PLCL1: variants seen among roughly 807,000 people sequenced by gnomAD.
The protein encoded by PLCL1 is inactive phospholipase C-like protein 1.
A neutral mutation model predicts 84.4 loss-of-function variants in PLCL1; 41 were observed. That is an observed-to-expected ratio of 0.49 (90% CI 0.38 to 0.63). PLCL1 has a LOEUF of 0.63. PLCL1 is among the 30% of genes least tolerant of loss of function. PLCL1 has a pLI of 0.00. For synonymous variants in PLCL1, 490 were observed against 488.3 expected (o/e 1.00, Z -0.05); for missense variants, 1,206 against 1,367.8 (o/e 0.88, Z 1.87).
intron 5 of PLCL1, among the ~76,000 whole-genome samples, chr2:198,116,717 T>C (rs1292894293): frequency 6.6e-6 from 1 of 151,850 alleles, no homozygotes; most frequent in African/African-American, 2.4e-5. Flanking sequence ...TTGCATAATA[T>C]TATGGAAAGG....
At chr2:198,128,987 A>C (rs1694056611) in intron 5 of PLCL1, among the ~76,000 whole-genome samples, 1 of 152,218 alleles carries the variant, frequency 6.6e-6, no homozygotes, top group Non-Finnish European at 1.5e-5. Context: ...CCTTAAAATT[A>C]AAACAGAGAT....
intron 1 of PLCL1, among the ~76,000 whole-genome samples, chr2:197,817,899 A>T (rs1690723397): frequency 6.6e-6 from 1 of 151,800 alleles, no homozygotes; most frequent in African/African-American, 2.4e-5. Flanking sequence ...TTTAATTTTG[A>T]TGGTCTTTGG....
intron 1 of PLCL1, among the ~76,000 whole-genome samples, chr2:198,073,637 AC>A (rs1172214333): frequency 6.6e-6 from 1 of 152,224 alleles, no homozygotes; most frequent in African/African-American, 2.4e-5. Context: ...AAGATAATTG[AC>A]ATTGTATTTT....
chr2:197,966,685 T>C (rs1689744591), intron 1 of PLCL1, among the ~76,000 whole-genome samples: 2 of 152,120 alleles, frequency 1.3e-5, no homozygotes, highest in South Asian at 4.1e-4. Context: ...CTTTCACCAA[T>C]ATGAAGTTAA....
chr2:197,920,056 A>G (rs956397687), intron 1 of PLCL1, among the ~76,000 whole-genome samples: 2 of 152,140 alleles, frequency 1.3e-5, no homozygotes, highest in African/African-American at 4.8e-5. Flanking sequence ...AAGATCATAT[A>G]TATTGTCTTC....
intron 1 of PLCL1, among the ~76,000 whole-genome samples, chr2:198,057,895 G>C (rs1692106264): frequency 6.6e-6 from 1 of 152,190 alleles, no homozygotes; most frequent in African/African-American, 2.4e-5. Flanking sequence ...GTTAGACTTA[G>C]AAGATTATTC....
chr2:197,939,800 G>A (rs745756583), intron 1 of PLCL1, among the ~76,000 whole-genome samples: 3 of 146,378 alleles, frequency 2.0e-5, no homozygotes, highest in Non-Finnish European at 4.5e-5. Flanking sequence ...GTTTTTAATC[G>A]GCCACTGTCT....
intron 1 of PLCL1, among the ~76,000 whole-genome samples, chr2:198,039,239 T>G (rs1334842266): frequency 6.6e-6 from 1 of 152,116 alleles, no homozygotes; most frequent in African/African-American, 2.4e-5. Flanking sequence ...TGCAATATAG[T>G]TTTTCTAGAT....
intron 1 of PLCL1, among the ~76,000 whole-genome samples, chr2:197,838,427 A>T (rs559277041): frequency 6.6e-6 from 1 of 152,340 alleles, no homozygotes; most frequent in African/African-American, 2.4e-5. Context: ...AAAAATTTAG[A>T]CAGCTATGAT....
At chr2:198,127,863 A>C (rs1694025762) in intron 5 of PLCL1, among the ~76,000 whole-genome samples, 1 of 152,122 alleles carries the variant, frequency 6.6e-6, no homozygotes, top group Non-Finnish European at 1.5e-5. Context: ...AGTGTGAAAA[A>C]TCTTCATTTT....
chr2:197,876,199 G>A (rs1251597123), intron 1 of PLCL1, among the ~76,000 whole-genome samples: 1 of 152,172 alleles, frequency 6.6e-6, no homozygotes, highest in Non-Finnish European at 1.5e-5. Context: ...GCCTCTGCAG[G>A]AGATGGAGCT....
intron 1 of PLCL1, among the ~76,000 whole-genome samples, chr2:197,865,691 G>A (rs1209482956): frequency 6.6e-6 from 1 of 151,940 alleles, no homozygotes; most frequent in African/African-American, 2.4e-5. Context: ...AAGCTCACGC[G>A]TCAAATGATG....
chr2:197,944,710 A>G (rs553634298), intron 1 of PLCL1, among the ~76,000 whole-genome samples: 26 of 152,294 alleles, frequency 1.7e-4, no homozygotes, highest in African/African-American at 3.6e-4. Context: ...AAGTCTAAAT[A>G]CCCATTCATT....
At chr2:197,875,448 A>G (rs1321554301) in intron 1 of PLCL1, among the ~76,000 whole-genome samples, 1 of 152,122 alleles carries the variant, frequency 6.6e-6, no homozygotes. Context: ...AAAGGCAGGA[A>G]GGAACATCTA....
chr2:198,054,674 G>A (rs988993276), intron 1 of PLCL1, among the ~76,000 whole-genome samples: 3 of 152,196 alleles, frequency 2.0e-5, no homozygotes, highest in Non-Finnish European at 4.4e-5. Context: ...AGTGCTGTGG[G>A]AGGAGATAAA....
chr2:197,995,525 G>T (rs79070145), intron 1 of PLCL1, among the ~76,000 whole-genome samples: 1,864 of 152,196 alleles, frequency 0.012, 47 homozygotes, highest in African/African-American at 0.042. Flanking sequence ...GCCTAATGGG[G>T]TGACCCAAGG....
At chr2:197,991,731 A>G (rs1690349868) in intron 1 of PLCL1, among the ~76,000 whole-genome samples, 1 of 152,124 alleles carries the variant, frequency 6.6e-6, no homozygotes, top group Non-Finnish European at 1.5e-5. Context: ...ACGAGCCCTC[A>G]TTAGTGGGAG....
At chr2:197,985,738 C>A (rs1690206763) in intron 1 of PLCL1, among the ~76,000 whole-genome samples, 1 of 152,174 alleles carries the variant, frequency 6.6e-6, no homozygotes, top group African/African-American at 2.4e-5. Context: ...ATAAAGCCTA[C>A]AATATTTACT....
At chr2:197,936,235 A>G (rs1219076583) in intron 1 of PLCL1, among the ~76,000 whole-genome samples, 1 of 151,462 alleles carries the variant, frequency 6.6e-6, no homozygotes, top group East Asian at 1.9e-4. Context: ...TGGAGTGCAG[A>G]TATCTCTTCA....
Sources: gnomAD v4.1 joint callset for allele counts (sites outside exome capture counted in the v4.1 genomes callset) on GRCh38, gnomAD v4.1.1 for gene constraint, MANE v1.5 for transcripts, NCBI Gene and HGNC (gene_info 2026-07-23, HGNC 2026-07-21) for gene names.